The following METTL15 variants were observed in gnomAD, a reference collection of about 807,000 sequenced individuals.
The protein encoded by METTL15 is methyltransferase 15, mitochondrial 12S rRNA N4-cytidine, also known as 12S rRNA N(4)-cytidine methyltransferase METTL15.
METTL15 carries 34 observed loss-of-function variants against 38.3 expected under a neutral mutation model. That is an observed-to-expected ratio of 0.89 (90% CI 0.68 to 1.18). The LOEUF is 1.18. METTL15 is among the 50% of genes most tolerant of loss of function. The pLI is 0.00. For synonymous variants in METTL15, 162 were observed against 170.9 expected, an observed-to-expected ratio of 0.95 and a Z score of 0.41; for missense variants, 438 against 498.4, an observed-to-expected ratio of 0.88 and a Z score of 1.15.
chr11:28,485,617 G>A (rs757880888), intron 6 of METTL15, among the ~76,000 whole-genome samples: 1 of 152,136 alleles, frequency 6.6e-6, no homozygotes, highest in Non-Finnish European at 1.5e-5. Flanking sequence ...GGGGAGGAGA[G>A]AGTAGAGAGT....
intron 3 of METTL15, among the ~76,000 whole-genome samples, chr11:28,135,589 C>T (rs749251391): frequency 1.1e-4 from 17 of 152,194 alleles, no homozygotes; most frequent in Non-Finnish European, 1.0e-4. Flanking sequence ...GGGAAGCAAA[C>T]CCTTCCAGTC....
chr11:28,508,224 T>C (rs1324079421), intron 6 of METTL15, among the ~76,000 whole-genome samples: 1 of 152,184 alleles, frequency 6.6e-6, no homozygotes, highest in Non-Finnish European at 1.5e-5. Flanking sequence ...GGAATGTTTT[T>C]TGGTCAGTTT....
chr11:28,133,236 C>T (rs1223079025), intron 3 of METTL15, among the ~76,000 whole-genome samples: 1 of 151,972 alleles, frequency 6.6e-6, no homozygotes, highest in South Asian at 2.1e-4. Flanking sequence ...AATGGTGGTT[C>T]AAGGGTGCAA....
intron 5 of METTL15, among the ~76,000 whole-genome samples, chr11:28,394,283 A>T (rs1409944548): frequency 6.6e-6 from 1 of 152,076 alleles, no homozygotes; most frequent in African/African-American, 2.4e-5. Context: ...ACAAAGAAAA[A>T]TATCTCCATA....
chr11:28,142,758 A>C (rs1849742760), intron 3 of METTL15, among the ~76,000 whole-genome samples: 1 of 152,132 alleles, frequency 6.6e-6, no homozygotes, highest in Admixed American at 6.5e-5. Flanking sequence ...AAATTCATTA[A>C]ATTCATTTTG....
Position 28,311,003 on chromosome 11 carries a change from TGAGAGA to T in METTL15, c.778+14088_778+14093del, listed in dbSNP as rs150856463. 7.5e-4 allele frequency among the ~76,000 whole-genome samples: 89 copies of T among 119,268 alleles called. 2 individuals are homozygous for T. The highest frequency in any genetic ancestry group is 4.3e-3 in the Middle Eastern group (1 of 234). 78.2% of individuals were successfully genotyped at this position (119,268 alleles called of 152,430 possible). On this transcript the variant is annotated intron_variant, in intron 6 of 6. Transcript: ENST00000407364. ...GTGTGTGTGTGTGTGTGTGTGTGTG[TGAGAGA>T]GAGAGAGAGAGAGAGGAAGAGAGAT...
chr11:28,299,926 C>T (rs1008338955), intron 6 of METTL15, among the ~76,000 whole-genome samples: 1 of 152,082 alleles, frequency 6.6e-6, no homozygotes, highest in African/African-American at 2.4e-5. Flanking sequence ...TCCATAGTCA[C>T]TTGGCATTCT....
At chr11:28,295,859 A>T (rs138421164) in intron 5 of METTL15, among the ~76,000 whole-genome samples, 1 of 152,122 alleles carries the variant, frequency 6.6e-6, no homozygotes, top group African/African-American at 2.4e-5. Flanking sequence ...AGATCCTCAC[A>T]GTCTGTTACC....
chr11:28,363,782 CCT>C (rs1850161983), intron 5 of METTL15, among the ~76,000 whole-genome samples: 1 of 152,062 alleles, frequency 6.6e-6, no homozygotes, highest in Non-Finnish European at 1.5e-5. Context: ...AAGTATATTT[CCT>C]AGGTTTTCTT....
intron 5 of METTL15, among the ~76,000 whole-genome samples, chr11:28,370,571 C>G (rs965610055): frequency 1.3e-5 from 2 of 151,824 alleles, no homozygotes; most frequent in Non-Finnish European, 2.9e-5. Flanking sequence ...GATATATACC[C>G]AATAGTAGAA....
chr11:28,236,443 C>G (rs918528344), intron 4 of METTL15, among the ~76,000 whole-genome samples: 4 of 152,012 alleles, frequency 2.6e-5, no homozygotes, highest in African/African-American at 4.8e-5. Context: ...GTCCTGGACT[C>G]TTTTTGGTTG....
intron 4 of METTL15, among the ~76,000 whole-genome samples, chr11:28,236,085 T>C (rs1276660095): frequency 5.3e-5 from 8 of 152,298 alleles, no homozygotes; most frequent in African/African-American, 1.9e-4. Flanking sequence ...TTGTCTTTGG[T>C]TCTGTGTATA....
intron 6 of METTL15, among the ~76,000 whole-genome samples, chr11:28,482,407 A>G (rs1419224294): frequency 6.6e-6 from 1 of 152,208 alleles, no homozygotes; most frequent in African/African-American, 2.4e-5. Flanking sequence ...TGTCTATTAT[A>G]TAGGGGTTAT....
chr11:28,459,252 T>C (rs923165988), intron 6 of METTL15, among the ~76,000 whole-genome samples: 1 of 152,214 alleles, frequency 6.6e-6, no homozygotes, highest in Non-Finnish European at 1.5e-5. Context: ...ATGTTGTGTA[T>C]TGGGCTAAGT....
At chr11:28,203,412 T>G (rs571676198) in intron 3 of METTL15, among the ~76,000 whole-genome samples, 1 of 152,230 alleles carries the variant, frequency 6.6e-6, no homozygotes, top group African/African-American at 2.4e-5. Flanking sequence ...ACACTGGTTG[T>G]TTTTAACTGT....
intron 3 of METTL15, among the ~76,000 whole-genome samples, chr11:28,155,360 G>A (rs1365976292): frequency 6.6e-6 from 1 of 152,144 alleles, no homozygotes; most frequent in Non-Finnish European, 1.5e-5. Context: ...AGGAGAGAAC[G>A]AGATTAAACT....
At chr11:28,322,071 TAAAAC>T (rs761560023) in intron 6 of METTL15, among the ~76,000 whole-genome samples, 3 of 151,822 alleles carry the variant, frequency 2.0e-5, no homozygotes, top group Non-Finnish European at 4.4e-5. Flanking sequence ...ATATAAGAAA[TAAAAC>T]CAGAAATATA....
chr11:28,378,264 G>A (rs529004307), intron 5 of METTL15, among the ~76,000 whole-genome samples: 1 of 152,218 alleles, frequency 6.6e-6, no homozygotes, highest in Non-Finnish European at 1.5e-5. Flanking sequence ...CCTCACTGCT[G>A]CCTTGCAGTT....
chr11:28,394,822 G>C (rs1304034634), intron 5 of METTL15, among the ~76,000 whole-genome samples: 1 of 151,920 alleles, frequency 6.6e-6, no homozygotes, highest in East Asian at 1.9e-4. Context: ...CTCTCTCCTG[G>C]ACTATGAAAC....
Sources: allele counts gnomAD v4.1 joint callset (sites outside exome capture counted in the v4.1 genomes callset), GRCh38; gene constraint gnomAD v4.1.1; transcripts MANE v1.5; gene names NCBI Gene and HGNC (gene_info 2026-07-23, HGNC 2026-07-21).